The following DOCK2 variants were observed in gnomAD, a reference collection of about 807,000 sequenced individuals.
The protein encoded by DOCK2 is dedicator of cytokinesis 2.
A neutral mutation model predicts 248.9 loss-of-function variants in DOCK2; 87 were observed. That is an observed-to-expected ratio of 0.35 (90% CI 0.29 to 0.42). DOCK2 has a LOEUF of 0.42. Among genes scored for constraint, DOCK2 ranks in the 10% least tolerant of loss-of-function variants. DOCK2 has a pLI of 1.00. For synonymous variants in DOCK2, 805 were observed against 821.6 expected (o/e 0.98, Z 0.35); for missense variants, 1,747 against 2,300.2 (o/e 0.76, Z 4.92).
At chr5:169,753,660 C>A (rs968271946) in intron 23 of DOCK2, among the ~76,000 whole-genome samples, 5 of 152,116 alleles carry the variant, frequency 3.3e-5, no homozygotes, top group African/African-American at 1.2e-4. Context: ...AGTCTTCTGG[C>A]AAAACCCCAG....
At chr5:169,730,592 C>A (rs934452503) in intron 22 of DOCK2, among the ~76,000 whole-genome samples, 1 of 152,140 alleles carries the variant, frequency 6.6e-6, no homozygotes, top group Admixed American at 6.5e-5. Context: ...ACACGTGTGT[C>A]GTAACCTCTA....
chr5:169,881,247 T>C (rs988112772), intron 27 of DOCK2: 41 of 772,918 alleles, frequency 5.3e-5, no homozygotes, highest in Non-Finnish European at 8.0e-5. Context: ...TGTTAACATT[T>C]CATAGTTAAA....
At chr5:170,018,065 G>C (rs1004559454) in intron 32 of DOCK2, among the ~76,000 whole-genome samples, 1 of 152,184 alleles carries the variant, frequency 6.6e-6, no homozygotes, top group Non-Finnish European at 1.5e-5. Context: ...GGTCTCTAGT[G>C]GGGGAGGCAG....
intron 26 of DOCK2, among the ~76,000 whole-genome samples, chr5:169,813,505 A>G (rs1561723933): frequency 1.3e-5 from 2 of 152,202 alleles, no homozygotes; most frequent in South Asian, 2.1e-4. Flanking sequence ...ATCTACCAGC[A>G]CACCCCTGCC....
intron 27 of DOCK2, among the ~76,000 whole-genome samples, chr5:169,894,162 G>C (rs1277722113): frequency 6.6e-6 from 1 of 152,142 alleles, no homozygotes; most frequent in East Asian, 1.9e-4. Context: ...CTCACAACAA[G>C]TTTTGCCAAG....
At chr5:169,659,017 ATTATTATTATTATTATTG>A (rs1471159900) in intron 2 of DOCK2, among the ~76,000 whole-genome samples, 1 of 109,662 alleles carries the variant, frequency 9.1e-6, no homozygotes. Context: ...TATTATTATT[ATTATTATTATTATTATTG>A]AGATGGGGGT....
At chr5:169,814,221 A>G (rs1767929179) in intron 26 of DOCK2, among the ~76,000 whole-genome samples, 1 of 152,210 alleles carries the variant, frequency 6.6e-6, no homozygotes, top group Admixed American at 6.5e-5. Context: ...ACCAGCAGGG[A>G]AACATACTGA....
At chr5:169,707,546 A>G (rs1761343279) in intron 14 of DOCK2, among the ~76,000 whole-genome samples, 1 of 152,196 alleles carries the variant, frequency 6.6e-6, no homozygotes, top group African/African-American at 2.4e-5. Context: ...AGCTCACGTC[A>G]GGTTCAATGT....
intron 33 of DOCK2, among the ~76,000 whole-genome samples, chr5:170,022,395 T>G (rs1008364794): frequency 1.3e-5 from 2 of 152,212 alleles, no homozygotes; most frequent in African/African-American, 2.4e-5. Flanking sequence ...GTTTCTTTTA[T>G]AAGCTCTGTG....
In DOCK2 at chr5:169,718,532, A is replaced by T. The variant is rs75332395; in HGVS notation, c.2133-125A>T. 1,431 of 989,062 alleles carry T rather than the reference A, an allele frequency of 1.4e-3. 14 individuals carry two copies. The African/African-American group carries it at 0.021, about 15-fold the overall frequency. The allele number at this position is 989,062 out of a possible 1,614,324, so 61.3% of individuals were successfully genotyped here. A position where few individuals can be genotyped will look rare whatever the true frequency, so the allele number is the denominator to read the frequency against. On this transcript the variant is annotated intron_variant, in intron 21 of 51. Coordinates refer to ENST00000520908, the MANE Select transcript of DOCK2 (RefSeq NM_004946.3). ...TATGCAGAGTTATCTTTATGCTTACAAATGAGTAAGTGAGCTTGGCTCTAC... is the reference window on the plus strand; with the variant it reads ...TATGCAGAGTTATCTTTATGCTTACTAATGAGTAAGTGAGCTTGGCTCTAC...
chr5:169,853,338 T>C (rs261077), intron 27 of DOCK2, among the ~76,000 whole-genome samples: 51,656 of 152,094 alleles, frequency 0.34, 9,711 homozygotes, highest in East Asian at 0.7. Context: ...GCTAATGAAA[T>C]AGGCTTTCTC....
intron 8 of DOCK2, 31 bp from the exon 9 acceptor site, chr5:169,689,221 C>A: frequency 6.2e-7 from 1 of 1,609,474 alleles, no homozygotes; most frequent in Non-Finnish European, 8.5e-7. Flanking sequence ...GGTCCCTTGG[C>A]AGTAACGGGC....
chr5:170,075,266 G>T (rs1411982800), intron 46 of DOCK2, among the ~76,000 whole-genome samples: 2 of 152,178 alleles, frequency 1.3e-5, no homozygotes, highest in African/African-American at 2.4e-5. Context: ...CTCCCTTAAG[G>T]TAGCTGACAC....
chr5:170,067,827 C>A, intron 45 of DOCK2, 141 bp downstream of exon 45: 2 of 894,874 alleles, frequency 2.2e-6, no homozygotes, highest in Non-Finnish European at 3.3e-6. Flanking sequence ...GCTTGGTTGG[C>A]CCTCATGTTT....
At chr5:170,078,902 T>C in intron 48 of DOCK2, 73 bp from the exon 49 acceptor site, 1 of 1,564,952 alleles carries the variant, frequency 6.4e-7, no homozygotes, top group Non-Finnish European at 8.7e-7. Context: ...CCCTTCAGCT[T>C]CCTGGGTCCT....
At chr5:169,751,840 A>G (rs538980389) in intron 23 of DOCK2, among the ~76,000 whole-genome samples, 3 of 152,288 alleles carry the variant, frequency 2.0e-5, no homozygotes, top group African/African-American at 7.2e-5. Context: ...CTTCATATAC[A>G]GTGTTTTAAA....
At chr5:169,954,035 G>A (rs1158135292) in intron 27 of DOCK2, among the ~76,000 whole-genome samples, 1 of 152,192 alleles carries the variant, frequency 6.6e-6, no homozygotes, top group Non-Finnish European at 1.5e-5. Context: ...TGGTTCTAGA[G>A]CAATCCTAAG....
At chr5:169,847,051 G>A (rs1770358151) in intron 27 of DOCK2, among the ~76,000 whole-genome samples, 3 of 152,164 alleles carry the variant, frequency 2.0e-5, no homozygotes. Flanking sequence ...TAATGGCTGA[G>A]TAGTGTTCCA....
intron 27 of DOCK2, among the ~76,000 whole-genome samples, chr5:169,871,285 CCTAA>C (rs1337516163): frequency 6.6e-6 from 1 of 152,110 alleles, no homozygotes; most frequent in Non-Finnish European, 1.5e-5. Flanking sequence ...TAGCCATGGA[CCTAA>C]CTCTTTCCAG....
Sources: gnomAD v4.1 joint callset for allele counts (sites outside exome capture counted in the v4.1 genomes callset) on GRCh38, gnomAD v4.1.1 for gene constraint, MANE v1.5 for transcripts, NCBI Gene and HGNC (gene_info 2026-07-23, HGNC 2026-07-21) for gene names.